The following PGAP6 variants were observed in gnomAD, a reference collection of about 807,000 sequenced individuals.
PGAP6 encodes post-GPI attachment to proteins 6.
A neutral mutation model predicts 68.4 loss-of-function variants in PGAP6; 62 were observed. The ratio of observed to expected loss-of-function variants is 0.91; its 90% CI spans 0.74 to 1.12. The LOEUF (loss-of-function observed/expected upper bound fraction) is 1.12, where lower values mean the gene tolerates loss of function less well. Ranked by LOEUF, PGAP6 falls within the 50% of genes most tolerant of loss-of-function variation. The pLI is 0.00. For missense variants in PGAP6, 1,188 were observed against 1,068.5 expected (o/e 1.11, Z -1.56); for synonymous variants, 575 against 474.0 (o/e 1.21, Z -2.77).
In PGAP6 at chr16:376,764, G is replaced by C. The variant is rs561043374; in HGVS notation, c.684C>G (p.Asp228Glu). The change falls in exon 5 of 13, where the codon GAC (aspartate) becomes GAG (glutamate). Residue 228 changes from aspartate (D) to glutamate (E), a missense_variant. Physicochemically the swap from Asp to Glu is conservative, Grantham distance 45 (BLOSUM62 2). Transcript: ENST00000431232. ...YTRELLLELRDCVSNGSLGCP... is the reference protein window; with the variant it reads ...YTRELLLELRECVSNGSLGCP... ...AGCCCAGGCTCCCATTGGACACGCA[G>C]TCCCGCAGCTCCAGCAGAAGCTCCC... The C allele has an allele frequency of 6.2e-7, 1 of 1,610,902 alleles. No homozygotes were observed. The highest frequency in any genetic ancestry group is 1.3e-5 in the African/African-American group (1 of 75,016).
chr16:372,067 G>T lies in PGAP6; in HGVS notation c.2236C>A (p.Pro746Thr), dbSNP rs750590444. ...LLPPPDQPAE[P>T]WACSQKFPCH... ...GGGAATTTCTGCGAGCAGGCCCAGG[G>T]CTCGGCGGGCTGGTCAGGTGGCGGC... is the stretch of plus-strand genomic sequence containing the variant. The change falls in exon 13 of 13, where the codon CCC (proline) becomes ACC (threonine). Residue 746 changes from proline to threonine, a missense_variant. Pro to Thr is a conservative substitution (Grantham distance 38). Coordinates refer to ENST00000431232, the MANE Select transcript of PGAP6 (RefSeq NM_021259.3). 1.6e-5 allele frequency: 25 copies of T among 1,612,370 alleles called. No individual in the cohort carries two copies. Among genetic ancestry groups the T allele is most frequent in the Non-Finnish European group, 2.1e-5 (25 of 1,179,946 alleles).
chr16:373,884 G>T, intron 11 of PGAP6, 121 bp downstream of exon 11: 1 of 1,252,366 alleles, frequency 8.0e-7, no homozygotes, highest in South Asian at 1.5e-5. Flanking sequence ...GCCGAGATGT[G>T]AGGTTTCCAG....
chr16:377,875 G>A (rs201666302), intron 1 of PGAP6, 27 bp from the exon 2 acceptor site: 1 of 1,531,282 alleles, frequency 6.5e-7, no homozygotes, highest in African/African-American at 1.4e-5. Flanking sequence ...GTGTCAGCCA[G>A]GCCGGGACCC....
At chr16:373,480 G>C (rs1299899370) in intron 11 of PGAP6, among the ~76,000 whole-genome samples, 1 of 152,176 alleles carries the variant, frequency 6.6e-6, no homozygotes, top group Non-Finnish European at 1.5e-5. Flanking sequence ...CCTCCAAACA[G>C]CTGGCACTGC....
chr16:386,666 G>T (rs2054486472), upstream of PGAP6: 1 of 367,156 alleles, frequency 2.7e-6, no homozygotes, highest in Non-Finnish European at 5.1e-6. Context: ...CATAAAAAAA[G>T]GGTCATTTTC....
chr16:381,672 C>T (rs1162206990), intron 1 of PGAP6, 29 bp downstream of exon 1: 30 of 1,197,104 alleles, frequency 2.5e-5, no homozygotes, highest in Non-Finnish European at 2.8e-5. Flanking sequence ...GGCCCCACGC[C>T]CCCGATGGCG....
At chr16:381,624 C>T (rs1252036382) in intron 1 of PGAP6, 77 bp downstream of exon 1, 28 of 1,097,470 alleles carry the variant, frequency 2.6e-5, no homozygotes, top group Non-Finnish European at 3.0e-5. Flanking sequence ...CGCACAGGTG[C>T]GCCCGGGGTG....
upstream of PGAP6, chr16:386,846 G>A (rs370984388): frequency 8.6e-5 from 59 of 688,892 alleles, no homozygotes; most frequent in East Asian, 6.1e-4. Flanking sequence ...AGAAGGCAGC[G>A]TTGAAAGGTG....
At chr16:377,199 CAG>C (rs1232073006) in intron 3 of PGAP6, 35 bp from the exon 4 acceptor site, 5 of 1,611,800 alleles carry the variant, frequency 3.1e-6, no homozygotes, top group Non-Finnish European at 4.2e-6. Context: ...GGGGCGGTGT[CAG>C]AGAATGCAGG....
Position 377,800 on chromosome 16 carries a change from G to A in PGAP6, c.170C>T (p.Ser57Phe), listed in dbSNP as rs1323403508. ...EHFSQAPQRL[S>F]FYSWYGSARL... is the part of the protein sequence containing the mutation. ...GGCACTGCCGTACCAGCTGTAGAAG[G>A]ACAGCCTCTGCGGGGCCTGCGAGAA... Residue 57 changes from serine to phenylalanine, a missense_variant, in exon 2 of 13, where the codon TCC (serine) becomes TTC (phenylalanine). By Grantham distance (155) the Ser-to-Phe change is radical. Transcript: ENST00000431232. 1 of 1,576,754 alleles carries A rather than the reference G, an allele frequency of 6.3e-7. No homozygotes were observed. The highest frequency in any genetic ancestry group is 1.8e-5 in the Admixed American group (1 of 54,330).
At chr16:376,107 G>A (rs774274831) in intron 6 of PGAP6, 29 bp downstream of exon 6, 2 of 1,573,062 alleles carry the variant, frequency 1.3e-6, no homozygotes, top group East Asian at 2.3e-5. Flanking sequence ...CCGAGCCCAG[G>A]CCACAGGCCG....
chr16:375,345 C>T lies in PGAP6; in HGVS notation c.1315G>A (p.Ala439Thr), dbSNP rs765876390. 17 of 1,612,890 alleles carry T rather than the reference C, an allele frequency of 1.1e-5. No individual in the cohort carries two copies. The highest frequency in any genetic ancestry group is 1.4e-5 in the Non-Finnish European group (17 of 1,179,946). Residue 439 changes from alanine (A) to threonine (T), a missense_variant and splice_region_variant, in exon 7 of 13, where the codon GCC (alanine) becomes ACC (threonine). By Grantham distance (58) the Ala-to-Thr change is moderately conservative. Coordinates refer to ENST00000431232, the MANE Select transcript of PGAP6 (RefSeq NM_021259.3). ...TGACGGTGACGCCTGCCCATCATACCTGTGGTGCAGTTGAGCGAAGTATTG... is the reference window on the plus strand; with the variant it reads ...TGACGGTGACGCCTGCCCATCATACTTGTGGTGCAGTTGAGCGAAGTATTG... ...GFNTSLNCTT[A>T]FFQGYPLSLS...
chr16:381,686 G>A lies in PGAP6; in HGVS notation c.121+15C>T. The A allele has an allele frequency of 1.7e-6, 2 of 1,194,798 alleles. No homozygotes were observed. The highest frequency in any genetic ancestry group is 2.1e-6 in the Non-Finnish European group (2 of 962,928). The allele number at this position is 1,194,798 out of a possible 1,614,324, so 74.0% of individuals were successfully genotyped here. On this transcript the variant is annotated intron_variant, in intron 1 of 12. Transcript: ENST00000431232. ...CGGCCCCACGCCCCCGATGGCGCCC[G>A]CGCCTCCCGCTCACCGCTCTTCCCG...
chr16:376,161 A>T lies in PGAP6; in HGVS notation c.1199T>A (p.Leu400His), dbSNP rs772926028. 1 of 1,606,918 alleles carries T rather than the reference A, an allele frequency of 6.2e-7. No homozygotes were observed. Among genetic ancestry groups the T allele is most frequent in the South Asian group, 1.1e-5 (1 of 90,970 alleles). ...LNTGMDSGGS[L>H]TISLRANKTE... Reference sequence around the variant, plus strand: ...CTTGTTGGCCCGCAGGGAGATGGTGAGGGAACCCCCGCTGTCCATGCCGGT... The same window carrying T: ...CTTGTTGGCCCGCAGGGAGATGGTGTGGGAACCCCCGCTGTCCATGCCGGT... Residue 400 changes from leucine (L) to histidine (H), a missense_variant, in exon 6 of 13, where the codon CTC becomes CAC. By Grantham distance (99) the Leu-to-His change is moderately conservative. Transcript: ENST00000431232.
In PGAP6 at chr16:371,702, G is replaced by A. The variant is rs575300594; in HGVS notation, c.*285C>T. The A allele has an allele frequency of 1.6e-5, 7 of 428,288 alleles. No individual in the cohort carries two copies. The highest frequency in any genetic ancestry group is 7.8e-5 in the Admixed American group (2 of 25,758). The allele number at this position is 428,288 out of a possible 1,614,324, so 26.5% of individuals were successfully genotyped here. On this transcript the variant is annotated 3_prime_UTR_variant, in exon 13 of 13. Transcript: ENST00000431232. ...CAGCAGAGCACACAGCCCCACCCTC[G>A]CACAGGCACCTGTGGTCTCCAAGTA...
rs560141603 is a variant in PGAP6 at position 371,964 on chromosome 16, C to T, written c.*23G>A. 1.2e-6 allele frequency: 2 copies of T among 1,601,698 alleles called. No homozygotes were observed. The highest frequency in any genetic ancestry group is 2.2e-5 in the East Asian group (1 of 44,784). On this transcript the variant is annotated 3_prime_UTR_variant, in exon 13 of 13. Coordinates refer to ENST00000431232, the MANE Select transcript of PGAP6 (RefSeq NM_021259.3). Reference sequence around the variant, plus strand: ...CTCCTGGCTGAAGAGGTCATCAGAGCAGCAGCTGTCCCCAGGCCAGTGTCA... The same window carrying T: ...CTCCTGGCTGAAGAGGTCATCAGAGTAGCAGCTGTCCCCAGGCCAGTGTCA...
In PGAP6 at chr16:377,842, C is replaced by G. The variant is rs778302163; in HGVS notation, c.128G>C (p.Gly43Ala). 4 of 1,556,296 alleles carry G rather than the reference C, an allele frequency of 2.6e-6. No individual in the cohort carries two copies. The highest frequency in any genetic ancestry group is 1.4e-5 in the African/African-American group (1 of 73,470). ...SAGYSGKSEV[G>A]LVSEHFSQAP... ...CTGCGAGAAGTGCTCGGACACCAGC[C>G]CCACCTCTGTGAGGAGAAGGAGGTG... Residue 43 changes from glycine (G) to alanine (A), a missense_variant, in exon 2 of 13, where the codon GGG becomes GCG. Physicochemically the swap from Gly to Ala is moderately conservative, Grantham distance 60. Transcript: ENST00000431232.
upstream of PGAP6, among the ~76,000 whole-genome samples, chr16:385,533 G>A (rs189834899): frequency 8.2e-3 from 1,213 of 148,736 alleles, 24 homozygotes; most frequent in East Asian, 0.055. Context: ...GGATGGTCTC[G>A]ATCTCCTGAC....
Position 381,849 on chromosome 16 carries a change from G to A in PGAP6, c.-28C>T, listed in dbSNP as rs1391961790. The A allele has an allele frequency of 1.0e-6, 1 of 993,300 alleles. No individual in the cohort carries two copies. The allele number at this position is 993,300 out of a possible 1,614,324, so 61.5% of individuals were successfully genotyped here. On this transcript the variant is annotated 5_prime_UTR_variant, in exon 1 of 13. Transcript: ENST00000431232. ...CTCCGCGCTCGGCCCGGCGCTACCC[G>A]GCCCGCGTCCCGCGCCGCCGGCCCC...
Sources: gnomAD v4.1 joint callset for allele counts (sites outside exome capture counted in the v4.1 genomes callset) on GRCh38, gnomAD v4.1.1 for gene constraint, MANE v1.5 for transcripts, NCBI Gene and HGNC (gene_info 2026-07-23, HGNC 2026-07-21) for gene names.